Variants in CAMTA1 observed in about 807,000 individuals in gnomAD.
CAMTA1 encodes calmodulin binding transcription activator 1, also known as calmodulin-binding transcription activator 1.
CAMTA1 carries 27 observed loss-of-function variants against 170.9 expected under a neutral mutation model. The ratio of observed to expected loss-of-function variants is 0.16; its 90% CI spans 0.12 to 0.22. CAMTA1 has a LOEUF of 0.22. Among genes scored for constraint, CAMTA1 ranks in the 10% least tolerant of loss-of-function variants. CAMTA1 has a pLI of 1.00. For synonymous variants in CAMTA1, 833 were observed against 891.5 expected, an observed-to-expected ratio of 0.93 and a Z score of 1.17; for missense variants, 1,619 against 2,217.2, an observed-to-expected ratio of 0.73 and a Z score of 5.42.
chr1:6,860,678 G>A (rs1222622548), intron 3 of CAMTA1, among the ~76,000 whole-genome samples: 1 of 152,122 alleles, frequency 6.6e-6, no homozygotes, highest in Non-Finnish European at 1.5e-5. Flanking sequence ...GGGAAGTCGA[G>A]GTGGGCGGAT....
At chr1:6,902,599 C>G (rs1487342941) in intron 3 of CAMTA1, among the ~76,000 whole-genome samples, 5 of 152,156 alleles carry the variant, frequency 3.3e-5, no homozygotes, top group Non-Finnish European at 4.4e-5. Flanking sequence ...TGGAAATTTT[C>G]TGTATGGTGT....
chr1:7,174,570 C>G (rs1650360715), intron 4 of CAMTA1, among the ~76,000 whole-genome samples: 2 of 152,218 alleles, frequency 1.3e-5, no homozygotes, highest in South Asian at 2.1e-4. Flanking sequence ...AGCACATTGC[C>G]TCGTCACAGA....
At chr1:7,340,168 G>T (rs1335152748) in intron 5 of CAMTA1, among the ~76,000 whole-genome samples, 1 of 152,232 alleles carries the variant, frequency 6.6e-6, no homozygotes, top group Non-Finnish European at 1.5e-5. Context: ...ACAAATGGAT[G>T]TGGCTGTGTG....
Position 6,907,958 on chromosome 1 carries a change from C to T in CAMTA1, c.234+82748C>T, listed in dbSNP as rs185872521. On this transcript the variant is annotated intron_variant, in intron 3 of 22. Transcript: ENST00000303635. ...CAGCCCTATTGCCGTGGTGGTCTGC[C>T]TTCCGGCTCCCTCGCCAGCCTCGTG... 2.9e-4 allele frequency among the ~76,000 whole-genome samples: 44 copies of T among 152,316 alleles called. No individual in the cohort carries two copies. The East Asian group carries it at 4.8e-3, about 17-fold the overall frequency.
intron 6 of CAMTA1, among the ~76,000 whole-genome samples, chr1:7,495,712 G>A (rs1030542217): frequency 3.3e-5 from 5 of 152,220 alleles, no homozygotes; most frequent in African/African-American, 4.8e-5. Flanking sequence ...CTGGCCAGGT[G>A]CGGAATGAAA....
intron 4 of CAMTA1, among the ~76,000 whole-genome samples, chr1:7,132,720 T>A (rs1645334024): frequency 6.6e-6 from 1 of 152,136 alleles, no homozygotes; most frequent in African/African-American, 2.4e-5. Context: ...ATTATATAGC[T>A]ATAGAGTATT....
chr1:7,022,856 T>C (rs1266073251), intron 3 of CAMTA1, among the ~76,000 whole-genome samples: 1 of 152,186 alleles, frequency 6.6e-6, no homozygotes, highest in Non-Finnish European at 1.5e-5. Flanking sequence ...GGATTAGTTA[T>C]AATAGCAACA....
At chr1:6,864,529 C>G (rs951147472) in intron 3 of CAMTA1, among the ~76,000 whole-genome samples, 21 of 152,174 alleles carry the variant, frequency 1.4e-4, no homozygotes, top group African/African-American at 4.6e-4. Context: ...TTAAGCTCGT[C>G]TCTTGTCACC....
At chr1:6,953,273 G>A (rs1281273968) in intron 3 of CAMTA1, among the ~76,000 whole-genome samples, 4 of 152,198 alleles carry the variant, frequency 2.6e-5, no homozygotes, top group South Asian at 2.1e-4. Flanking sequence ...ACTGTCGAGA[G>A]CTCTCTCTTT....
chr1:7,584,061 G>A (rs993161546), intron 6 of CAMTA1, among the ~76,000 whole-genome samples: 1 of 152,168 alleles, frequency 6.6e-6, no homozygotes, highest in Non-Finnish European at 1.5e-5. Flanking sequence ...CCTTAGGGTG[G>A]GGACTCTGCT....
In CAMTA1 at chr1:7,234,813, G is replaced by T. The variant is rs1400923235; in HGVS notation, c.303-14678G>T. ...CTTTTTTTTTTTTTTTTTAGATAGA[G>T]TCTCACTTTGTCACCCAGGCTGGAG... On this transcript the variant is annotated intron_variant, in intron 4 of 22. Coordinates refer to ENST00000303635, the MANE Select transcript of CAMTA1 (RefSeq NM_015215.4). This position sits in a 1 kb window ranked among gnomAD's most constrained non-coding sequence, Gnocchi z 5.0. Among the ~76,000 whole-genome samples the T allele has an allele frequency of 1.4e-5, 2 of 142,396 alleles. No homozygotes were observed. The highest frequency in any genetic ancestry group is 7.1e-5 in the Admixed American group (1 of 14,002). 93.4% of individuals were successfully genotyped at this position (142,396 alleles called of 152,430 possible). A position where few individuals can be genotyped will look rare whatever the true frequency, so the allele number is the denominator to read the frequency against.
chr1:7,076,963 A>G (rs1013625351), intron 3 of CAMTA1, among the ~76,000 whole-genome samples: 1 of 152,248 alleles, frequency 6.6e-6, no homozygotes, highest in Non-Finnish European at 1.5e-5. Flanking sequence ...GTTAGCAAAT[A>G]AAGGTGGTGA....
chr1:7,156,119 CA>C (rs200380795), intron 4 of CAMTA1, among the ~76,000 whole-genome samples: 11 of 134,842 alleles, frequency 8.2e-5, no homozygotes, highest in African/African-American at 2.1e-4. Flanking sequence ...ACAAAAAATA[CA>C]AAAAAAAAAT....
chr1:7,651,743 A>T (rs985956949), intron 7 of CAMTA1, among the ~76,000 whole-genome samples: 6 of 152,274 alleles, frequency 3.9e-5, no homozygotes, highest in African/African-American at 1.4e-4. Flanking sequence ...CACTTTCCAG[A>T]TGAAGAAACT....
intron 6 of CAMTA1, among the ~76,000 whole-genome samples, chr1:7,525,112 C>G (rs953911559): frequency 1.3e-5 from 2 of 152,220 alleles, no homozygotes; most frequent in South Asian, 2.1e-4. Flanking sequence ...GACTTGCATC[C>G]CCTCTCCAGG....
chr1:7,418,002 C>T (rs2091306903), intron 5 of CAMTA1, among the ~76,000 whole-genome samples: 1 of 152,116 alleles, frequency 6.6e-6, no homozygotes, highest in Admixed American at 6.5e-5. Context: ...CATCAGGACC[C>T]TCACCTCCTT....
At chr1:7,186,858 G>A (rs1041342640) in intron 4 of CAMTA1, among the ~76,000 whole-genome samples, 2 of 152,120 alleles carry the variant, frequency 1.3e-5, no homozygotes, top group African/African-American at 4.8e-5. Context: ...TGCACAACCA[G>A]GTAAATATTT....
In CAMTA1 at chr1:7,722,180, C is replaced by T. The variant is rs570870437; in HGVS notation, c.2915-10268C>T. Among the ~76,000 whole-genome samples, 4 of 152,316 alleles carry T rather than the reference C, an allele frequency of 2.6e-5. No individual in the cohort carries two copies. In the East Asian group the frequency reaches 5.8e-4, roughly 22 times the overall value. On this transcript the variant is annotated intron_variant, in intron 11 of 22. Coordinates refer to ENST00000303635, the MANE Select transcript of CAMTA1 (RefSeq NM_015215.4). ...TCTCCACTTTTACAGCAGCAAATCCCAGCCCTTCTAAACTTAGAACACACT... is the reference window on the plus strand; with the variant it reads ...TCTCCACTTTTACAGCAGCAAATCCTAGCCCTTCTAAACTTAGAACACACT...
intron 3 of CAMTA1, among the ~76,000 whole-genome samples, chr1:7,039,894 G>A (rs759300239): frequency 3.3e-5 from 5 of 151,838 alleles, no homozygotes; most frequent in Admixed American, 1.3e-4. Flanking sequence ...TTCTGGGGGC[G>A]TGTACCCTAC....
Sources: allele counts gnomAD v4.1 joint callset (sites outside exome capture counted in the v4.1 genomes callset), GRCh38; gene constraint gnomAD v4.1.1; non-coding constraint Gnocchi (gnomAD v3.1); transcripts MANE v1.5; gene names NCBI Gene and HGNC (gene_info 2026-07-23, HGNC 2026-07-21).